Variants in H1-8 observed in about 807,000 individuals in gnomAD.
H1-8 encodes histone H1.8.
Under a neutral mutation model 19.5 loss-of-function variants are expected in H1-8, and 13 were observed. The ratio of observed to expected loss-of-function variants is 0.67; its 90% confidence interval spans 0.43 to 1.06. The LOEUF (loss-of-function observed/expected upper bound fraction) is 1.06. Among genes scored for constraint, H1-8 ranks in the 50% least tolerant of loss-of-function variants. The pLI is 0.00. For missense variants in H1-8, 432 were observed against 459.8 expected, an observed-to-expected ratio of 0.94 and a Z score of 0.55; for synonymous variants, 193 against 187.6, an observed-to-expected ratio of 1.03 and a Z score of -0.24.
chr3:129,551,391 C>T lies in H1-8; in HGVS notation c.*51C>T, dbSNP rs542924424. ...CCGAGCCTCTGCCCTAGTTTTTATT[C>T]TTCAACTAACCACTGCTCTATTTAT... On this transcript the variant is annotated 3_prime_UTR_variant, in exon 5 of 5. Coordinates refer to ENST00000324382, the MANE Select transcript of H1-8 (RefSeq NM_153833.3). 6.0e-5 allele frequency: 66 copies of T among 1,091,134 alleles called. No individual in the cohort carries two copies. Among genetic ancestry groups the T allele is most frequent in the Non-Finnish European group, 8.8e-5 (65 of 741,664 alleles). The allele number at this position is 1,091,134 out of a possible 1,614,324, so 67.6% of individuals were successfully genotyped here. A position where few individuals can be genotyped will look rare whatever the true frequency, so the allele number is the denominator to read the frequency against.
In H1-8 at chr3:129,551,418, T is replaced by G. The variant is rs2084932337; in HGVS notation, c.*78T>G. On this transcript the variant is annotated 3_prime_UTR_variant, in exon 5 of 5. Transcript: ENST00000324382. ...TCAACTAACCACTGCTCTATTTATT[T>G]CATTGTAAGCTATTTATCAATAAAG... is the stretch of plus-strand genomic sequence containing the variant. 1 of 864,238 alleles carries G rather than the reference T, an allele frequency of 1.2e-6. No homozygotes were observed. Among genetic ancestry groups the G allele is most frequent in the African/African-American group, 1.7e-5 (1 of 58,404 alleles). The allele number at this position is 864,238 out of a possible 1,614,324, so 53.5% of individuals were successfully genotyped here. A position where few individuals can be genotyped will look rare whatever the true frequency, so the allele number is the denominator to read the frequency against.
chr3:129,549,671 A>G (rs1230878751), intron 3 of H1-8, among the ~76,000 whole-genome samples: 1 of 151,836 alleles, frequency 6.6e-6, no homozygotes, highest in Non-Finnish European at 1.5e-5. Context: ...TGGAGTTTTT[A>G]GGCCGGGCAT....
chr3:129,548,024 G>A (rs1181482977), intron 2 of H1-8, among the ~76,000 whole-genome samples: 1 of 152,156 alleles, frequency 6.6e-6, no homozygotes, highest in African/African-American at 2.4e-5. Context: ...GCACCTCCCT[G>A]AGCAGCCATG....
chr3:129,544,204 T>C (rs1381073914), intron 1 of H1-8, among the ~76,000 whole-genome samples: 1 of 152,074 alleles, frequency 6.6e-6, no homozygotes, highest in African/African-American at 2.4e-5. Context: ...TGCATCTTCC[T>C]TCTGGGAAGG....
Position 129,551,350 on chromosome 3 carries a change from CA to C in H1-8, c.*11del, listed in dbSNP as rs2084931568. 1 of 1,591,518 alleles carries C rather than the reference CA, an allele frequency of 6.3e-7. No individual in the cohort carries two copies. Among genetic ancestry groups the C allele is most frequent in the African/African-American group, 1.3e-5 (1 of 74,262 alleles). On this transcript the variant is annotated 3_prime_UTR_variant, in exon 5 of 5. Coordinates refer to ENST00000324382, the MANE Select transcript of H1-8 (RefSeq NM_153833.3). ...GAGGGCTGAAGCTTAGGGCCAGAGG[CA>C]GGGGCGGAGAGAGACCGAGCCTCTG...
intron 1 of H1-8, among the ~76,000 whole-genome samples, chr3:129,545,666 A>C (rs1336409821): frequency 6.6e-6 from 1 of 152,220 alleles, no homozygotes; most frequent in South Asian, 2.1e-4. Context: ...TGGACATTTC[A>C]TATAAATGGA....
intron 3 of H1-8, 39 bp downstream of exon 3, chr3:129,549,403 G>A (rs563546888): frequency 6.5e-7 from 1 of 1,530,162 alleles, no homozygotes; most frequent in African/African-American, 1.4e-5. Context: ...TGGGGATGGG[G>A]GTCTTGACAG....
chr3:129,551,357 G>A lies in H1-8; in HGVS notation c.*17G>A, dbSNP rs377214008. 2.9e-5 allele frequency: 45 copies of A among 1,537,290 alleles called. No individual in the cohort carries two copies. The highest frequency in any genetic ancestry group is 7.2e-5 in the Admixed American group (4 of 55,652). ...GAAGCTTAGGGCCAGAGGCAGGGGC[G>A]GAGAGAGACCGAGCCTCTGCCCTAG... is the stretch of plus-strand genomic sequence containing the variant. On this transcript the variant is annotated 3_prime_UTR_variant, in exon 5 of 5. Coordinates refer to ENST00000324382, the MANE Select transcript of H1-8 (RefSeq NM_153833.3).
At chr3:129,546,313 G>A (rs1223326570) in intron 1 of H1-8, among the ~76,000 whole-genome samples, 2 of 151,936 alleles carry the variant, frequency 1.3e-5, no homozygotes, top group African/African-American at 2.4e-5. Flanking sequence ...GACAGATTGA[G>A]ACCCTGTCTC....
In H1-8 at chr3:129,551,325, G is replaced by A. The variant is rs1359437058; in HGVS notation, c.1026G>A (p.Gln342=). The change falls in exon 5 of 5, where the codon CAG becomes CAA. Residue 342 remains glutamine (Q), a synonymous_variant. Transcript: ENST00000324382. ...IKASSSKVSS[Q]RAEA ...CCTCATCATCCAAAGTGTCCAGCCA[G>A]AGGGCTGAAGCTTAGGGCCAGAGGC... 5 of 1,612,926 alleles carry A rather than the reference G, an allele frequency of 3.1e-6. No homozygotes were observed. The South Asian group carries it at 5.5e-5, about 18-fold the overall frequency.
At position 129,551,444 on chromosome 3, in the gene H1-8, A is replaced by C. The variant is rs527910504; in HGVS notation, c.*104A>C. The C allele has an allele frequency of 7.5e-6, 6 of 798,306 alleles. No individual in the cohort carries two copies. The South Asian group carries it at 1.1e-4, about 15-fold the overall frequency. The allele number at this position is 798,306 out of a possible 1,614,324, so 49.5% of individuals were successfully genotyped here. A position where few individuals can be genotyped will look rare whatever the true frequency, so the allele number is the denominator to read the frequency against. On this transcript the variant is annotated 3_prime_UTR_variant, in exon 5 of 5. Coordinates refer to ENST00000324382, the MANE Select transcript of H1-8 (RefSeq NM_153833.3). ...CATTGTAAGCTATTTATCAATAAAG[A>C]CTTTTGTTTCTTTTTCCTCACAATT...
Position 129,551,379 on chromosome 3 carries a change from C to A in H1-8, c.*39C>A. ...GGCGGAGAGAGACCGAGCCTCTGCCCTAGTTTTTATTCTTCAACTAACCAC... is the reference window on the plus strand; with the variant it reads ...GGCGGAGAGAGACCGAGCCTCTGCCATAGTTTTTATTCTTCAACTAACCAC... On this transcript the variant is annotated 3_prime_UTR_variant, in exon 5 of 5. Coordinates refer to ENST00000324382, the MANE Select transcript of H1-8 (RefSeq NM_153833.3). The A allele has an allele frequency of 7.5e-7, 1 of 1,337,268 alleles. No homozygotes were observed. The highest frequency in any genetic ancestry group is 1.0e-6 in the Non-Finnish European group (1 of 957,196). The allele number at this position is 1,337,268 out of a possible 1,614,324, so 82.8% of individuals were successfully genotyped here.
chr3:129,550,952 C>A, intron 4 of H1-8, 143 bp downstream of exon 4: 1 of 949,398 alleles, frequency 1.1e-6, no homozygotes, highest in South Asian at 1.6e-5. Context: ...ACCACCTTCT[C>A]TCTGGTCCCC....
chr3:129,548,433 G>T (rs761390374), intron 2 of H1-8: 127 of 987,076 alleles, frequency 1.3e-4, no homozygotes, highest in Non-Finnish European at 1.5e-4. Flanking sequence ...AGCCAGAGGG[G>T]CGTCAGGTGT....
chr3:129,544,925 A>G (rs2084876982), intron 1 of H1-8, among the ~76,000 whole-genome samples: 1 of 152,038 alleles, frequency 6.6e-6, no homozygotes. Flanking sequence ...TGGCCCCCAA[A>G]TGAATATTCC....
intron 3 of H1-8, 80 bp from the exon 4 acceptor site, chr3:129,550,665 G>C (rs2084926303): frequency 2.5e-6 from 3 of 1,194,118 alleles, no homozygotes; most frequent in East Asian, 4.7e-5. Context: ...AGGAATGGGG[G>C]TTCTAGAGCC....
At chr3:129,549,713 G>C (rs2084919863) in intron 3 of H1-8, among the ~76,000 whole-genome samples, 1 of 152,016 alleles carries the variant, frequency 6.6e-6, no homozygotes, top group African/African-American at 2.4e-5. Flanking sequence ...TAACACTTTG[G>C]GAGGCCAAGG....
At chr3:129,545,082 A>G (rs1313693237) in intron 1 of H1-8, among the ~76,000 whole-genome samples, 6 of 144,072 alleles carry the variant, frequency 4.2e-5, no homozygotes, top group Admixed American at 2.1e-4. Flanking sequence ...TTTTTTTGAG[A>G]CAGGGTCTTG....
chr3:129,551,352 G>T lies in H1-8; in HGVS notation c.*12G>T. ...GGGCTGAAGCTTAGGGCCAGAGGCA[G>T]GGGCGGAGAGAGACCGAGCCTCTGC... On this transcript the variant is annotated 3_prime_UTR_variant, in exon 5 of 5. Transcript: ENST00000324382. 6.4e-7 allele frequency: 1 copy of T among 1,572,742 alleles called. No individual in the cohort carries two copies. Among genetic ancestry groups the T allele is most frequent in the Non-Finnish European group, 8.7e-7 (1 of 1,151,006 alleles).
Sources: allele counts gnomAD v4.1 joint callset (sites outside exome capture counted in the v4.1 genomes callset), GRCh38; gene constraint gnomAD v4.1.1; transcripts MANE v1.5; gene names NCBI Gene and HGNC (gene_info 2026-07-23, HGNC 2026-07-21).